Variants in CELF1 observed in about 807,000 individuals in gnomAD.
CELF1 encodes the protein 50 kDa nuclear polyadenylated RNA-binding protein.
In CELF1, 10 loss-of-function variants were observed where a neutral mutation model predicts 61.8. The ratio of observed to expected loss-of-function variants is 0.16; its 90% CI spans 0.10 to 0.27. CELF1 has a LOEUF of 0.27. CELF1 is among the 10% of genes least tolerant of loss of function. The probability of loss-of-function intolerance (pLI) is 1.00; values close to 1 mark genes in which losing one functional copy is unlikely to be tolerated. For missense variants in CELF1, 380 were observed against 639.1 expected (o/e 0.59, Z 4.37); for synonymous variants, 236 against 225.1 (o/e 1.05, Z -0.43).
intron 14 of CELF1, 43 bp from the exon 15 acceptor site, chr11:47,472,400 C>A: frequency 6.2e-7 from 1 of 1,601,184 alleles, no homozygotes; most frequent in Non-Finnish European, 8.6e-7. Flanking sequence ...CATAATGAGG[C>A]AAGGAGATTC....
At chr11:47,553,313 G>C (rs1477872158), upstream of CELF1, among the ~76,000 whole-genome samples, 1 of 152,122 alleles carries the variant, frequency 6.6e-6, no homozygotes, top group Non-Finnish European at 1.5e-5. Context: ...GGAAGTGGAG[G>C]AGCAGCCGCA....
rs1008858071 is a variant in CELF1 at position 47,471,915 on chromosome 11, A to G, written c.*315T>C. 4.2e-6 allele frequency: 1 copy of G among 236,428 alleles called. No homozygotes were observed. The highest frequency in any genetic ancestry group is 2.2e-5 in the African/African-American group (1 of 45,810). The allele number at this position is 236,428 out of a possible 1,614,324, so 14.6% of individuals were successfully genotyped here. ...GGGTGGTTTGGTGTTGGTCCTTCTC[A>G]ACACACACTGGTTACAAACACAGCA... is the stretch of plus-strand genomic sequence containing the variant. On this transcript the variant is annotated 3_prime_UTR_variant, in exon 15 of 15. Transcript: ENST00000687097.
chr11:47,514,353 G>A (rs569300511), intron 1 of CELF1, among the ~76,000 whole-genome samples: 1 of 152,090 alleles, frequency 6.6e-6, no homozygotes, highest in African/African-American at 2.4e-5. Context: ...AGCCACAAAT[G>A]GCCTAAAGCT....
chr11:47,560,511 A>G (rs2097221816), intron 2 of CELF1, among the ~76,000 whole-genome samples: 2 of 152,228 alleles, frequency 1.3e-5, no homozygotes, highest in South Asian at 4.1e-4. Flanking sequence ...GAATCCATGT[A>G]TATGAAATGT....
intron 2 of CELF1, among the ~76,000 whole-genome samples, chr11:47,561,356 T>C (rs1160432419): frequency 1.5e-5 from 2 of 136,636 alleles, no homozygotes; most frequent in Non-Finnish European, 3.0e-5. Context: ...GGCAGGAGAA[T>C]GGCATGAACC....
At position 47,475,729 on chromosome 11, in the gene CELF1, A is replaced by C. The variant is rs189537165; in HGVS notation, c.1088-208T>G. Reference sequence around the variant, plus strand: ...TAATGGGGACATTAAGAAATGCCATACGCGGGTGTTGTGCTCCCCATTACC... The same window carrying C: ...TAATGGGGACATTAAGAAATGCCATCCGCGGGTGTTGTGCTCCCCATTACC... On this transcript the variant is annotated intron_variant, in intron 12 of 14. Coordinates refer to ENST00000687097, the MANE Select transcript of CELF1 (RefSeq NM_001376376.1). Among the ~76,000 whole-genome samples the C allele has an allele frequency of 4.4e-3, 668 of 152,290 alleles. 2 individuals carry two copies. Among genetic ancestry groups the C allele is most frequent in the African/African-American group, 0.015 (612 of 41,572 alleles).
intron 1 of CELF1, among the ~76,000 whole-genome samples, chr11:47,540,314 G>A (rs1224781339): frequency 6.6e-6 from 1 of 152,170 alleles, no homozygotes; most frequent in Non-Finnish European, 1.5e-5. Flanking sequence ...TCCTAAACAC[G>A]AAATGTGATG....
chr11:47,476,146 A>C (rs906840755), intron 12 of CELF1, among the ~76,000 whole-genome samples: 2 of 151,318 alleles, frequency 1.3e-5, no homozygotes, highest in African/African-American at 4.9e-5. Context: ...GACTACAGGC[A>C]TGCACCACTA....
At chr11:47,499,147 A>G (rs2093582487) in intron 3 of CELF1, among the ~76,000 whole-genome samples, 1 of 152,184 alleles carries the variant, frequency 6.6e-6, no homozygotes, top group African/African-American at 2.4e-5. Flanking sequence ...TAAAAAAAAA[A>G]TACCTTGTAA....
chr11:47,523,148 T>C (rs778777552), intron 1 of CELF1: 1 of 152,014 alleles, frequency 6.6e-6, no homozygotes, highest in Non-Finnish European at 1.5e-5. Context: ...TGGAAAAATA[T>C]AAACTAATAA....
chr11:47,478,163 C>G (rs1256021199), intron 10 of CELF1, among the ~76,000 whole-genome samples: 1 of 152,136 alleles, frequency 6.6e-6, no homozygotes, highest in Non-Finnish European at 1.5e-5. Context: ...AAAAATATAG[C>G]CAACTATAAT....
chr11:47,552,841 C>A (rs1319125451), intron 1 of CELF1, among the ~76,000 whole-genome samples, 151 bp downstream of exon 1: 2 of 152,216 alleles, frequency 1.3e-5, no homozygotes, highest in African/African-American at 4.8e-5. Context: ...CGCAGCCCTA[C>A]CCCAGGACGC....
chr11:47,511,189 C>G lies in CELF1; in HGVS notation c.-153-10257G>C, dbSNP rs571902535. ...CAACAGAGCAAGATCGTCTCAAAAA[C>G]CAAAACAAAAAAATAATCTAACTAC... is the stretch of plus-strand genomic sequence containing the variant. On this transcript the variant is annotated intron_variant, in intron 1 of 14. Transcript: ENST00000687097. 3.7e-4 allele frequency among the ~76,000 whole-genome samples: 56 copies of G among 152,052 alleles called. 1 individual carries two copies. The South Asian group carries it at 0.012, about 32-fold the overall frequency.
chr11:47,491,709 T>C (rs2091548738), intron 3 of CELF1, among the ~76,000 whole-genome samples: 1 of 152,236 alleles, frequency 6.6e-6, no homozygotes, highest in Admixed American at 6.5e-5. Context: ...CCTTTGAACA[T>C]AATCGGGCTG....
At chr11:47,537,622 C>T (rs748210147) in intron 1 of CELF1, among the ~76,000 whole-genome samples, 2 of 152,142 alleles carry the variant, frequency 1.3e-5, no homozygotes, top group Non-Finnish European at 2.9e-5. Flanking sequence ...CTCCTTGGAG[C>T]TTTTAAAGTA....
chr11:47,499,399 A>G, intron 3 of CELF1, 54 bp downstream of exon 3: 2 of 1,386,630 alleles, frequency 1.4e-6, no homozygotes, highest in Non-Finnish European at 2.0e-6. Context: ...TCAAATAAAG[A>G]AAACAGCCCA....
chr11:47,547,594 G>C (rs765852476), intron 1 of CELF1, among the ~76,000 whole-genome samples: 1 of 149,144 alleles, frequency 6.7e-6, no homozygotes, highest in South Asian at 2.2e-4. Flanking sequence ...GCTTGAACCC[G>C]GGAGGCGGAG....
chr11:47,510,405 A>T (rs1031435538), intron 1 of CELF1, among the ~76,000 whole-genome samples: 3 of 152,226 alleles, frequency 2.0e-5, no homozygotes, highest in African/African-American at 7.2e-5. Flanking sequence ...TAGATCACAA[A>T]GTCCAGAGAC....
chr11:47,545,379 C>A (rs1232896560), intron 1 of CELF1, among the ~76,000 whole-genome samples: 4 of 151,974 alleles, frequency 2.6e-5, no homozygotes, highest in Admixed American at 2.6e-4. Flanking sequence ...TGCAGTGAGC[C>A]GAGATTGAAC....
Sources: allele counts gnomAD v4.1 joint callset (sites outside exome capture counted in the v4.1 genomes callset), GRCh38; gene constraint gnomAD v4.1.1; transcripts MANE v1.5; gene names NCBI Gene and HGNC (gene_info 2026-07-23, HGNC 2026-07-21).